FAM169A: variants seen among roughly 807,000 people sequenced by gnomAD.
FAM169A encodes the protein family with sequence similarity 169 member A, also known as soluble lamin-associated protein of 75 kDa.
Under a neutral mutation model 75.7 loss-of-function variants are expected in FAM169A, and 24 were observed. That is an observed-to-expected ratio of 0.32 (90% CI 0.23 to 0.45). The LOEUF (loss-of-function observed/expected upper bound fraction) is 0.45, where lower values mean the gene tolerates loss of function less well. Ranked by LOEUF, FAM169A falls within the 20% of genes least tolerant of loss-of-function variation. The probability of loss-of-function intolerance (pLI) is 1.00; values close to 1 mark genes in which losing one functional copy is unlikely to be tolerated. For missense variants in FAM169A, 673 were observed against 784.0 expected, an observed-to-expected ratio of 0.86 and a Z score of 1.69; for synonymous variants, 271 against 271.0, an observed-to-expected ratio of 1.00 and a Z score of 0.00.
chr5:74,807,484 A>G (rs991866509), intron 6 of FAM169A, among the ~76,000 whole-genome samples: 3 of 152,210 alleles, frequency 2.0e-5, no homozygotes, highest in African/African-American at 7.2e-5. Context: ...ATAAAAATTC[A>G]AATGACTGTT....
chr5:74,796,282 C>A (rs1746270388), intron 10 of FAM169A, 96 bp from the exon 11 acceptor site: 1 of 1,123,760 alleles, frequency 8.9e-7, no homozygotes, highest in African/African-American at 1.6e-5. Context: ...AGAGAATCAA[C>A]TATGTTGTCA....
intron 6 of FAM169A, among the ~76,000 whole-genome samples, chr5:74,805,961 T>C (rs1220595036): frequency 8.2e-6 from 1 of 121,402 alleles, no homozygotes; most frequent in Non-Finnish European, 1.7e-5. Context: ...CTATTATACA[T>C]GAATTTAAAA....
At chr5:74,865,698 G>A (rs1162262227) in intron 1 of FAM169A, 1 of 152,350 alleles carries the variant, frequency 6.6e-6, no homozygotes, top group African/African-American at 2.4e-5. Context: ...GAGCATCTCT[G>A]GAGGCCACCT....
At chr5:74,835,176 AAAG>A (rs1383839393) in intron 4 of FAM169A, among the ~76,000 whole-genome samples, 13 of 152,288 alleles carry the variant, frequency 8.5e-5, no homozygotes, top group Non-Finnish European at 1.6e-4. Flanking sequence ...CGGGGATACC[AAAG>A]AAGTCTAATA....
chr5:74,834,534 C>G lies in FAM169A; in HGVS notation c.382G>C (p.Glu128Gln). The change falls in exon 5 of 13, where the codon GAA becomes CAA. Residue 128 changes from glutamate to glutamine, a missense_variant. Around this residue, in one of 3 missense-constraint regions of FAM169A, gnomAD observed 107 missense variants for 180.8 expected, o/e 0.59. Coordinates refer to ENST00000687041, the MANE Select transcript of FAM169A (RefSeq NM_001376049.1). ...VLNRIIYRKQEMERNEIPFLC... is the reference protein window; with the variant it reads ...VLNRIIYRKQQMERNEIPFLC... ...AATGGGATCTCATTTCTCTCCATTT[C>G]CTGTTTTCTATAAATAATTCGATTC... 6.2e-7 allele frequency: 1 copy of G among 1,604,710 alleles called. No homozygotes were observed. Among genetic ancestry groups the G allele is most frequent in the Non-Finnish European group, 8.5e-7 (1 of 1,176,014 alleles).
intron 11 of FAM169A, among the ~76,000 whole-genome samples, chr5:74,787,717 G>A (rs1745766299): frequency 6.6e-6 from 1 of 152,214 alleles, no homozygotes; most frequent in South Asian, 2.1e-4. Flanking sequence ...CGCAGCAGAG[G>A]CAAAGCAGCA....
At chr5:74,788,248 G>A (rs972333047) in intron 11 of FAM169A, among the ~76,000 whole-genome samples, 3 of 152,122 alleles carry the variant, frequency 2.0e-5, no homozygotes, top group Non-Finnish European at 2.9e-5. Context: ...GTGGGTCCCC[G>A]GACTCATCCT....
intron 1 of FAM169A, among the ~76,000 whole-genome samples, chr5:74,848,430 ATT>A (rs991724238): frequency 1.2e-4 from 19 of 152,276 alleles, no homozygotes; most frequent in Admixed American, 1.0e-3. Context: ...AAATATAATT[ATT>A]TTTATTAAAT....
At chr5:74,817,893 C>T (rs1747552126) in intron 5 of FAM169A, among the ~76,000 whole-genome samples, 1 of 152,096 alleles carries the variant, frequency 6.6e-6, no homozygotes, top group Non-Finnish European at 1.5e-5. Context: ...GGTGCCAAGA[C>T]AATTCTATGG....
chr5:74,813,515 A>T (rs1747316483), intron 6 of FAM169A, among the ~76,000 whole-genome samples: 1 of 151,992 alleles, frequency 6.6e-6, no homozygotes, highest in Admixed American at 6.6e-5. Flanking sequence ...TAGTAAAGAT[A>T]GAGTTTCATC....
rs1377573350 is a variant in FAM169A, at chr5:74,805,184, T to C, written c.771A>G (p.Ala257=). ...HWYQRIPVTR[A]LQREALKILA... is the part of the protein sequence containing the mutation. ...GAATTTTAAGTGCTTCTCTTTGTAATGCTCTGGTGACTGGTATTCGCTGGT... is the reference window on the plus strand; with the variant it reads ...GAATTTTAAGTGCTTCTCTTTGTAACGCTCTGGTGACTGGTATTCGCTGGT... Residue 257 remains alanine (A), a synonymous_variant, in exon 7 of 13, where the codon GCA becomes GCG. Coordinates refer to ENST00000687041, the MANE Select transcript of FAM169A (RefSeq NM_001376049.1). 2.5e-6 allele frequency: 4 copies of C among 1,613,908 alleles called. No homozygotes were observed. The highest frequency in any genetic ancestry group is 2.5e-6 in the Non-Finnish European group (3 of 1,179,824).
At chr5:74,798,219 A>C (rs745718852) in intron 10 of FAM169A, among the ~76,000 whole-genome samples, 1 of 152,208 alleles carries the variant, frequency 6.6e-6, no homozygotes, top group African/African-American at 2.4e-5. Context: ...CTGTGTACAT[A>C]TCTCTCTTTA....
At chr5:74,782,441 TC>T (rs1482129100) in intron 12 of FAM169A, among the ~76,000 whole-genome samples, 7 of 152,314 alleles carry the variant, frequency 4.6e-5, no homozygotes, top group Middle Eastern at 6.8e-3. Context: ...GAAGTTTTAT[TC>T]TTTTGCTTAG....
rs936016806 is a variant in FAM169A, at chr5:74,841,569, C to G, written c.108G>C (p.Glu36Asp). 2.5e-6 allele frequency: 4 copies of G among 1,612,898 alleles called. No individual in the cohort carries two copies. The African/African-American group carries it at 5.3e-5, about 22-fold the overall frequency. ...CCGTAATATTGAGAAGAGAAAAACA[C>G]TCTGGATTTTCAGGGTCCCCACACC... ...DLRCGDPENP[E>D]CFSLLNITIP... Residue 36 changes from glutamate to aspartate, a missense_variant, in exon 2 of 13, where the codon GAG (glutamate) becomes GAC (aspartate). Glu to Asp is a conservative substitution (Grantham distance 45). This residue lies in a region of FAM169A where 56 missense variants were observed against 52.2 expected (regional missense o/e 1.07). Transcript: ENST00000687041.
upstream of FAM169A, chr5:74,866,951 G>A (rs1750379633): frequency 3.0e-6 from 3 of 985,324 alleles, no homozygotes; most frequent in Non-Finnish European, 3.6e-6. Flanking sequence ...AGAATCGTGG[G>A]CTGCTTTCAC....
chr5:74,794,980 G>A (rs192637644), intron 11 of FAM169A, among the ~76,000 whole-genome samples: 41 of 152,172 alleles, frequency 2.7e-4, no homozygotes, highest in African/African-American at 9.9e-4. Context: ...AAAATTAGCT[G>A]GGCACGGTGG....
chr5:74,791,013 C>CA (rs1745948167), intron 11 of FAM169A, among the ~76,000 whole-genome samples: 1 of 152,208 alleles, frequency 6.6e-6, no homozygotes, highest in Admixed American at 6.5e-5. Flanking sequence ...CCTTATCCAT[C>CA]ATCATGCTAC....
intron 11 of FAM169A, among the ~76,000 whole-genome samples, chr5:74,786,428 G>A (rs1745697524): frequency 6.6e-6 from 1 of 152,148 alleles, no homozygotes; most frequent in East Asian, 1.9e-4. Context: ...AAAATGCTAA[G>A]GACTCTACTT....
In FAM169A at chr5:74,781,114, T is replaced by TA. The variant is rs1306740915; in HGVS notation, c.*345dup. The stretch of plus-strand genomic sequence containing the variant: ...TAGTATAAAAGATTTCTGTGATCCT[T>TA]ATAAGTAATGGAAATCCTACTACTT... On this transcript the variant is annotated 3_prime_UTR_variant, in exon 13 of 13. Transcript: ENST00000687041. 1 of 201,716 alleles carries TA rather than the reference T, an allele frequency of 5.0e-6. No individual in the cohort carries two copies. Among genetic ancestry groups the TA allele is most frequent in the Non-Finnish European group, 1.0e-5 (1 of 98,924 alleles). 12.5% of individuals were successfully genotyped at this position (201,716 alleles called of 1,614,324 possible). A position where few individuals can be genotyped will look rare whatever the true frequency, so the allele number is the denominator to read the frequency against.
Sources: allele counts gnomAD v4.1 joint callset (sites outside exome capture counted in the v4.1 genomes callset), GRCh38; gene constraint gnomAD v4.1.1; regional missense constraint gnomAD v4.1.1; transcripts MANE v1.5; gene names NCBI Gene and HGNC (gene_info 2026-07-23, HGNC 2026-07-21).